Variants in TMEM163 observed in about 807,000 individuals in gnomAD.
TMEM163 encodes the protein transmembrane protein 163.
Under a neutral mutation model 29.3 loss-of-function variants are expected in TMEM163, and 17 were observed. The ratio of observed to expected loss-of-function variants is 0.58; its 90% CI spans 0.40 to 0.87. The LOEUF (loss-of-function observed/expected upper bound fraction) is 0.87, where lower values mean the gene tolerates loss of function less well. Among genes scored for constraint, TMEM163 ranks in the 40% least tolerant of loss-of-function variants. TMEM163 has a pLI of 0.00. For missense variants in TMEM163, 303 were observed against 381.5 expected (o/e 0.79, Z 1.71); for synonymous variants, 157 against 160.6 (o/e 0.98, Z 0.17).
intron 2 of TMEM163, among the ~76,000 whole-genome samples, chr2:134,701,078 C>A (rs1290494233): frequency 3.3e-5 from 5 of 151,746 alleles, no homozygotes; most frequent in Non-Finnish European, 4.4e-5. Flanking sequence ...GTTGGAAGCA[C>A]AGATCTGGAG....
intron 2 of TMEM163, among the ~76,000 whole-genome samples, chr2:134,677,880 G>A (rs1265643096): frequency 1.3e-5 from 2 of 152,124 alleles, no homozygotes; most frequent in South Asian, 2.1e-4. Flanking sequence ...GGATACATAG[G>A]ACCGACCTAA....
rs576779022 is a variant in TMEM163, at chr2:134,572,761, C to T, written c.323-20670G>A. 2.0e-4 allele frequency among the ~76,000 whole-genome samples: 30 copies of T among 152,308 alleles called. No individual in the cohort carries two copies. The South Asian group carries it at 2.1e-3, about 11-fold the overall frequency. Reference sequence around the variant, plus strand: ...TGTGTGCTTATTATAAACCCTTCAGCGCTTAATGATCTGAAATGAGCTCCA... The same window carrying T: ...TGTGTGCTTATTATAAACCCTTCAGTGCTTAATGATCTGAAATGAGCTCCA... On this transcript the variant is annotated intron_variant, in intron 2 of 7. Coordinates refer to ENST00000281924, the MANE Select transcript of TMEM163 (RefSeq NM_030923.5).
chr2:134,699,189 C>T (rs10928513), intron 2 of TMEM163, among the ~76,000 whole-genome samples: 109,257 of 152,202 alleles, frequency 0.72, 41,721 homozygotes, highest in East Asian at 1. Flanking sequence ...CAAAAAATCA[C>T]GTAGCGTATT....
intron 4 of TMEM163, among the ~76,000 whole-genome samples, chr2:134,528,747 TC>T (rs1680348518): frequency 7.0e-6 from 1 of 142,196 alleles, no homozygotes; most frequent in Middle Eastern, 3.8e-3. Context: ...TAGTAATATG[TC>T]TCACACTTCT....
chr2:134,565,142 G>A (rs1443776177), intron 2 of TMEM163, among the ~76,000 whole-genome samples: 1 of 152,024 alleles, frequency 6.6e-6, no homozygotes, highest in Non-Finnish European at 1.5e-5. Context: ...GGTGGCTGAG[G>A]CACACGAATC....
chr2:134,612,482 G>A (rs1516991), intron 2 of TMEM163, among the ~76,000 whole-genome samples: 88,072 of 151,166 alleles, frequency 0.58, 26,364 homozygotes, highest in Non-Finnish European at 0.63. Context: ...CCTCACAAAA[G>A]CAAGAAGTGA....
rs1686396082 is a variant in TMEM163, at chr2:134,456,449, C to G, written c.*267G>C. 3 of 486,688 alleles carry G rather than the reference C, an allele frequency of 6.2e-6. No homozygotes were observed. The highest frequency in any genetic ancestry group is 1.1e-5 in the Non-Finnish European group (3 of 271,240). 30.1% of individuals were successfully genotyped at this position (486,688 alleles called of 1,614,324 possible). On this transcript the variant is annotated 3_prime_UTR_variant, in exon 8 of 8. Transcript: ENST00000281924. ...ATCTCATCCTACCCATGAGAACCAT[C>G]ATACTCCAGAGACTAAAAAACGCCA...
chr2:134,483,982 A>G (rs1679259992), intron 5 of TMEM163, among the ~76,000 whole-genome samples: 2 of 152,138 alleles, frequency 1.3e-5, no homozygotes, highest in Admixed American at 1.3e-4. Flanking sequence ...CATCTCTACA[A>G]TACAAAAAAA....
chr2:134,578,504 T>C (rs894190076), intron 2 of TMEM163, among the ~76,000 whole-genome samples: 25 of 152,310 alleles, frequency 1.6e-4, no homozygotes, highest in African/African-American at 5.3e-4. Flanking sequence ...CCCATCGTGG[T>C]TAGCGTCTGT....
chr2:134,606,724 C>A (rs1410603727), intron 2 of TMEM163, among the ~76,000 whole-genome samples: 1 of 152,218 alleles, frequency 6.6e-6, no homozygotes, highest in Non-Finnish European at 1.5e-5. Context: ...CAGTAACAAG[C>A]AAACGGCACA....
intron 2 of TMEM163, among the ~76,000 whole-genome samples, chr2:134,560,954 G>C (rs1681158581): frequency 7.0e-6 from 1 of 142,632 alleles, no homozygotes; most frequent in Non-Finnish European, 1.5e-5. Flanking sequence ...GAGACAAAAA[G>C]ACAAAGACCC....
intron 4 of TMEM163, among the ~76,000 whole-genome samples, chr2:134,507,704 T>C (rs1201238117): frequency 6.7e-6 from 1 of 150,162 alleles, no homozygotes; most frequent in Admixed American, 6.6e-5. Context: ...CCACAAAAAA[T>C]AAATTAGCTG....
intron 2 of TMEM163, among the ~76,000 whole-genome samples, chr2:134,694,287 C>G (rs1684534177): frequency 6.6e-6 from 1 of 152,192 alleles, no homozygotes; most frequent in Non-Finnish European, 1.5e-5. Flanking sequence ...TAAACTGGGT[C>G]TCGCTAAGTT....
intron 2 of TMEM163, among the ~76,000 whole-genome samples, chr2:134,659,650 C>G (rs932388455): frequency 6.6e-6 from 1 of 152,190 alleles, no homozygotes; most frequent in Non-Finnish European, 1.5e-5. Context: ...TTGCCCTGTC[C>G]TCAGGGAGCT....
intron 5 of TMEM163, among the ~76,000 whole-genome samples, chr2:134,490,380 C>T (rs1200529563): frequency 6.6e-6 from 1 of 152,162 alleles, no homozygotes; most frequent in Non-Finnish European, 1.5e-5. Context: ...GAACAGCCAA[C>T]ACTACAGATA....
chr2:134,677,623 T>C (rs541323771), intron 2 of TMEM163, among the ~76,000 whole-genome samples: 1 of 152,324 alleles, frequency 6.6e-6, no homozygotes, highest in East Asian at 1.9e-4. Flanking sequence ...ACTCTATCTA[T>C]AATATGACCA....
At chr2:134,541,676 G>T (rs1680671242) in intron 4 of TMEM163, among the ~76,000 whole-genome samples, 1 of 151,992 alleles carries the variant, frequency 6.6e-6, no homozygotes, top group Admixed American at 6.6e-5. Flanking sequence ...TTCAAACTAT[G>T]GTGTTAAATA....
intron 4 of TMEM163, among the ~76,000 whole-genome samples, chr2:134,539,362 C>T (rs917696456): frequency 5.3e-5 from 8 of 152,128 alleles, no homozygotes; most frequent in East Asian, 1.9e-4. Flanking sequence ...CCGAGGAAGG[C>T]GACATGCACT....
At chr2:134,493,662 G>A (rs1355455988) in intron 5 of TMEM163, among the ~76,000 whole-genome samples, 2 of 152,108 alleles carry the variant, frequency 1.3e-5, no homozygotes, top group Admixed American at 6.6e-5. Context: ...GTGAGCCACT[G>A]CGCCCAGCCT....
Sources: gnomAD v4.1 joint callset for allele counts (sites outside exome capture counted in the v4.1 genomes callset) on GRCh38, gnomAD v4.1.1 for gene constraint, MANE v1.5 for transcripts, NCBI Gene and HGNC (gene_info 2026-07-23, HGNC 2026-07-21) for gene names.